The following GRIK2 variants were observed in gnomAD, a reference collection of about 807,000 sequenced individuals.
The protein encoded by GRIK2 is glutamate ionotropic receptor kainate type subunit 2.
In GRIK2, 32 loss-of-function variants were observed where a neutral mutation model predicts 100.3. The ratio of observed to expected loss-of-function variants is 0.32; its 90% CI spans 0.24 to 0.43. The LOEUF (loss-of-function observed/expected upper bound fraction) is 0.43. Among genes scored for constraint, GRIK2 ranks in the 20% least tolerant of loss-of-function variants. The probability of loss-of-function intolerance (pLI) is 1.00; values close to 1 mark genes in which losing one functional copy is unlikely to be tolerated. For missense variants in GRIK2, 843 were observed against 1,114.9 expected (o/e 0.76, Z 3.47); for synonymous variants, 417 against 389.4 (o/e 1.07, Z -0.83).
At chr6:101,900,457 A>G (rs116893155) in intron 12 of GRIK2, among the ~76,000 whole-genome samples, 14,471 of 152,184 alleles carry the variant, frequency 0.095, 834 homozygotes, top group Middle Eastern at 0.2. Context: ...AGCCTGGGCA[A>G]CAACAACAAC....
chr6:101,543,966 A>T (rs1776120930), intron 2 of GRIK2, among the ~76,000 whole-genome samples: 1 of 152,116 alleles, frequency 6.6e-6, no homozygotes, highest in Non-Finnish European at 1.5e-5. Context: ...AGTATAATAT[A>T]GCAGAAGAAG....
chr6:101,726,696 G>A (rs979045213), intron 7 of GRIK2, among the ~76,000 whole-genome samples: 1 of 152,004 alleles, frequency 6.6e-6, no homozygotes, highest in African/African-American at 2.4e-5. Flanking sequence ...TATGTGAGCA[G>A]TATGTATTTT....
chr6:101,403,642 C>T (rs1186098282), intron 2 of GRIK2, among the ~76,000 whole-genome samples: 1 of 152,128 alleles, frequency 6.6e-6, no homozygotes, highest in African/African-American at 2.4e-5. Flanking sequence ...TGTACTGCAA[C>T]ATCGAATAGT....
chr6:101,499,029 G>T (rs941483252), intron 2 of GRIK2, among the ~76,000 whole-genome samples: 1 of 152,116 alleles, frequency 6.6e-6, no homozygotes, highest in Non-Finnish European at 1.5e-5. Flanking sequence ...ATGGGGAAAG[G>T]ATTCCCTATT....
intron 7 of GRIK2, among the ~76,000 whole-genome samples, chr6:101,762,957 G>C (rs1351505891): frequency 6.6e-6 from 1 of 152,146 alleles, no homozygotes; most frequent in East Asian, 1.9e-4. Flanking sequence ...GCTGGCTTTT[G>C]ATTGTAGATC....
intron 2 of GRIK2, among the ~76,000 whole-genome samples, chr6:101,537,026 A>G (rs997017317): frequency 2.0e-5 from 3 of 151,688 alleles, no homozygotes; most frequent in Non-Finnish European, 4.4e-5. Context: ...ACTTTGAGGT[A>G]TGCTAGCTGT....
intron 7 of GRIK2, among the ~76,000 whole-genome samples, chr6:101,792,002 C>G (rs1779901061): frequency 6.6e-6 from 1 of 151,976 alleles, no homozygotes; most frequent in Non-Finnish European, 1.5e-5. Flanking sequence ...GGTTTAAAGT[C>G]TGTTTTATCA....
intron 2 of GRIK2, among the ~76,000 whole-genome samples, chr6:101,407,459 T>C (rs1775652528): frequency 6.6e-6 from 1 of 152,162 alleles, no homozygotes. Flanking sequence ...TGCTGTTTTT[T>C]TCAGTGTAGC....
At chr6:101,733,918 A>G (rs1775459800) in intron 7 of GRIK2, among the ~76,000 whole-genome samples, 1 of 151,890 alleles carries the variant, frequency 6.6e-6, no homozygotes, top group African/African-American at 2.4e-5. Flanking sequence ...CCAGTTTCTG[A>G]TATGTCCTCA....
intron 7 of GRIK2, among the ~76,000 whole-genome samples, chr6:101,740,868 G>A (rs1216143751): frequency 6.6e-6 from 1 of 152,094 alleles, no homozygotes; most frequent in East Asian, 1.9e-4. Context: ...GGTAAAGCAC[G>A]AAGCCATTCA....
At chr6:101,457,393 A>G (rs554075303) in intron 2 of GRIK2, among the ~76,000 whole-genome samples, 92 of 152,248 alleles carry the variant, frequency 6.0e-4, no homozygotes, top group African/African-American at 2.1e-3. Flanking sequence ...GAAAATTATG[A>G]CAGGATGATA....
At chr6:101,667,118 A>G (rs994208403) in intron 4 of GRIK2, among the ~76,000 whole-genome samples, 1 of 152,172 alleles carries the variant, frequency 6.6e-6, no homozygotes, top group African/African-American at 2.4e-5. Context: ...TGCCACTTAT[A>G]TGATTCTAAA....
chr6:101,999,594 A>G (rs1312864301), intron 14 of GRIK2, among the ~76,000 whole-genome samples: 1 of 151,796 alleles, frequency 6.6e-6, no homozygotes, highest in Non-Finnish European at 1.5e-5. Context: ...GTTCAAGAAG[A>G]TTTTTCTTTT....
intron 2 of GRIK2, among the ~76,000 whole-genome samples, chr6:101,505,086 T>G (rs1773955778): frequency 6.6e-6 from 1 of 151,980 alleles, no homozygotes; most frequent in Admixed American, 6.6e-5. Flanking sequence ...TTTTTTTACT[T>G]GTCATTAAGT....
chr6:101,727,731 TAAGAG>T (rs913257998), intron 7 of GRIK2, among the ~76,000 whole-genome samples: 7 of 152,086 alleles, frequency 4.6e-5, no homozygotes, highest in South Asian at 2.1e-4. Flanking sequence ...ACAAAATACA[TAAGAG>T]AAGAGGTGAT....
intron 5 of GRIK2, among the ~76,000 whole-genome samples, chr6:101,679,525 C>A (rs1386988042): frequency 1.3e-5 from 2 of 151,984 alleles, no homozygotes; most frequent in African/African-American, 4.8e-5. Flanking sequence ...TGATTTTATT[C>A]TCTCTAATAT....
intron 10 of GRIK2, among the ~76,000 whole-genome samples, chr6:101,820,407 C>A (rs1781883260): frequency 6.6e-6 from 1 of 152,212 alleles, no homozygotes; most frequent in South Asian, 2.1e-4. Context: ...CAAAACATCA[C>A]TTATTTTATG....
At chr6:101,975,684 C>T (rs1038775745) in intron 14 of GRIK2, among the ~76,000 whole-genome samples, 4 of 151,730 alleles carry the variant, frequency 2.6e-5, no homozygotes, top group African/African-American at 9.7e-5. Flanking sequence ...GGAAAAAGAC[C>T]TAGTGTGCCA....
rs150467490 is a variant in GRIK2 at position 101,407,957 on chromosome 6, T to G, written c.115+8565T>G. Among the ~76,000 whole-genome samples, 166 of 152,268 alleles carry G rather than the reference T, an allele frequency of 1.1e-3. 1 individual carries two copies. The highest frequency in any genetic ancestry group is 3.9e-3 in the African/African-American group (161 of 41,556). ...GTAGAAAGAAGGGGGAAATGTATCA[T>G]TGGTGGAAGACTCAGCACAAGAAAA... On this transcript the variant is annotated intron_variant, in intron 2 of 16. Coordinates refer to ENST00000369134, the MANE Select transcript of GRIK2 (RefSeq NM_021956.5).
Sources: gnomAD v4.1 joint callset for allele counts (sites outside exome capture counted in the v4.1 genomes callset) on GRCh38, gnomAD v4.1.1 for gene constraint, MANE v1.5 for transcripts, NCBI Gene and HGNC (gene_info 2026-07-23, HGNC 2026-07-21) for gene names.